The following SDHAF4 variants were observed in gnomAD, a reference collection of about 807,000 sequenced individuals.
SDHAF4 encodes the protein succinate dehydrogenase assembly factor 4, mitochondrial.
A neutral mutation model predicts 14.3 loss-of-function variants in SDHAF4; 14 were observed. The observed-to-expected ratio is 0.98, with a 90% CI of 0.65 to 1.53. The LOEUF (loss-of-function observed/expected upper bound fraction) is 1.53. SDHAF4 is among the 40% of genes most tolerant of loss of function. The pLI, the probability that SDHAF4 is intolerant of heterozygous loss-of-function variation, is 0.00. For synonymous variants in SDHAF4, 63 were observed against 47.3 expected (o/e 1.33, Z -1.36); for missense variants, 141 against 129.3 (o/e 1.09, Z -0.44).
At chr6:70,596,982 A>G in the SDHAF4 span, 1 of 152,222 alleles carries the variant, frequency 6.6e-6, no homozygotes, top group Admixed American at 6.5e-5. Context: ...TGGCAGTGAG[A>G]TATTAATGAG....
chr6:70,579,128 T>A (rs968799253), intron 1 of SDHAF4, among the ~76,000 whole-genome samples: 1 of 152,182 alleles, frequency 6.6e-6, no homozygotes, highest in South Asian at 2.1e-4. Context: ...GAACTCCTGG[T>A]TTTTTGGCAT....
At chr6:70,584,893 T>C (rs1765178594) in intron 2 of SDHAF4, among the ~76,000 whole-genome samples, 1 of 151,906 alleles carries the variant, frequency 6.6e-6, no homozygotes, top group Non-Finnish European at 1.5e-5. Context: ...GAGAGAGAGA[T>C]GAAACTATGA....
intron 1 of SDHAF4, among the ~76,000 whole-genome samples, chr6:70,571,595 G>A (rs1392925086): frequency 6.6e-6 from 1 of 152,144 alleles, no homozygotes; most frequent in South Asian, 2.1e-4. Flanking sequence ...TTACAGGTGT[G>A]AGCCACCGCG....
At chr6:70,581,883 A>G (rs1765130774) in intron 2 of SDHAF4, among the ~76,000 whole-genome samples, 1 of 152,106 alleles carries the variant, frequency 6.6e-6, no homozygotes, top group African/African-American at 2.4e-5. Flanking sequence ...TGCTGGGATT[A>G]CAAGTATGAG....
At chr6:70,573,365 G>C (rs577584701) in intron 1 of SDHAF4, among the ~76,000 whole-genome samples, 3 of 145,412 alleles carry the variant, frequency 2.1e-5, no homozygotes, top group African/African-American at 5.2e-5. Context: ...CTGGGTTCAA[G>C]TGATTCTCCT....
At chr6:70,596,976 A>C in the SDHAF4 span, 5 of 152,228 alleles carry the variant, frequency 3.3e-5, no homozygotes, top group African/African-American at 1.2e-4. Context: ...TAAGAATGGC[A>C]GTGAGATATT....
intron 1 of SDHAF4, among the ~76,000 whole-genome samples, chr6:70,578,132 A>G (rs183713476): frequency 2.1e-4 from 32 of 152,296 alleles, no homozygotes; most frequent in Admixed American, 1.3e-3. Context: ...TGTTTTAAGT[A>G]CTTTGAGAAA....
At chr6:70,573,503 A>G (rs1336698638) in intron 1 of SDHAF4, among the ~76,000 whole-genome samples, 1 of 151,552 alleles carries the variant, frequency 6.6e-6, no homozygotes, top group Non-Finnish European at 1.5e-5. Flanking sequence ...ACCTCAGGTG[A>G]TCCACCTGCC....
At chr6:70,596,144 A>T in the SDHAF4 span, among the ~76,000 whole-genome samples, 32 of 152,284 alleles carry the variant, frequency 2.1e-4, no homozygotes, top group African/African-American at 7.0e-4. Context: ...TCAATTTGGT[A>T]CCTACAAAAG....
intron 2 of SDHAF4, among the ~76,000 whole-genome samples, chr6:70,581,097 T>A (rs531805604): frequency 1.3e-5 from 2 of 152,030 alleles, no homozygotes; most frequent in South Asian, 2.1e-4. Context: ...ACTGGCTCAT[T>A]GTTGTATTTT....
chr6:70,570,578 G>A (rs1461729800), intron 1 of SDHAF4, among the ~76,000 whole-genome samples: 1 of 151,926 alleles, frequency 6.6e-6, no homozygotes, highest in East Asian at 1.9e-4. Context: ...GGGATTACAG[G>A]CGAGAGCCAC....
At chr6:70,579,675 T>A in intron 2 of SDHAF4, 109 bp downstream of exon 2, 2 of 830,334 alleles carry the variant, frequency 2.4e-6, no homozygotes, top group East Asian at 2.9e-5. Context: ...AATTCTGTAG[T>A]AATAAAGCAT....
rs199905498 is a variant in SDHAF4 at position 70,588,728 on chromosome 6, G to A, written c.*4G>A. ...AGGACGCTGTATTGATTTTTAAGTC[G>A]CATATTCTTTAACTTCAATATTGTT... On this transcript the variant is annotated 3_prime_UTR_variant, in exon 3 of 3. Coordinates refer to ENST00000370474, the MANE Select transcript of SDHAF4 (RefSeq NM_145267.3). 115 of 1,550,416 alleles carry A rather than the reference G, an allele frequency of 7.4e-5. No homozygotes were observed. Among genetic ancestry groups the A allele is most frequent in the Admixed American group, 1.4e-4 (8 of 58,278 alleles).
At chr6:70,582,797 T>C (rs1342681866) in intron 2 of SDHAF4, among the ~76,000 whole-genome samples, 1 of 152,196 alleles carries the variant, frequency 6.6e-6, no homozygotes, top group Non-Finnish European at 1.5e-5. Context: ...CTAGCTCCAC[T>C]GGTCACCTAA....
At chr6:70,580,073 AAT>A (rs1302575326) in intron 2 of SDHAF4, among the ~76,000 whole-genome samples, 23 of 152,030 alleles carry the variant, frequency 1.5e-4, no homozygotes, top group African/African-American at 5.3e-4. Context: ...ATAAATAACA[AAT>A]ATATGTGTAT....
intron 1 of SDHAF4, among the ~76,000 whole-genome samples, chr6:70,573,338 A>G (rs1321460847): frequency 7.5e-6 from 1 of 133,680 alleles, no homozygotes; most frequent in East Asian, 2.1e-4. Context: ...GTCTTGGCTC[A>G]CTGCAAACTC....
chr6:70,573,168 T>C (rs567150563), intron 1 of SDHAF4, among the ~76,000 whole-genome samples: 17 of 152,214 alleles, frequency 1.1e-4, no homozygotes, highest in Non-Finnish European at 2.5e-4. Flanking sequence ...ATTATTTTTA[T>C]TCATTTGTCT....
intron 2 of SDHAF4, among the ~76,000 whole-genome samples, chr6:70,580,745 C>G (rs1182828154): frequency 6.6e-6 from 1 of 152,038 alleles, no homozygotes; most frequent in African/African-American, 2.4e-5. Context: ...ATATATGATT[C>G]CACTTATATA....
chr6:70,588,068 C>T (rs1436582734), intron 2 of SDHAF4, among the ~76,000 whole-genome samples: 1 of 152,202 alleles, frequency 6.6e-6, no homozygotes, highest in African/African-American at 2.4e-5. Context: ...CAAAGTGACT[C>T]CTTCAAAGTA....
Sources: gnomAD v4.1 joint callset for allele counts (sites outside exome capture counted in the v4.1 genomes callset) on GRCh38, gnomAD v4.1.1 for gene constraint, MANE v1.5 for transcripts, NCBI Gene and HGNC (gene_info 2026-07-23, HGNC 2026-07-21) for gene names.